The following NEK7 variants were observed in gnomAD, a reference collection of about 807,000 sequenced individuals.
NEK7 encodes the protein NIMA related kinase 7.
In NEK7, 18 loss-of-function variants were observed where a neutral mutation model predicts 44.6. That is an observed-to-expected ratio of 0.40 (90% confidence interval 0.28 to 0.60). NEK7 has a LOEUF of 0.60. Among genes scored for constraint, NEK7 ranks in the 20% least tolerant of loss-of-function variants. The pLI is 0.38. For missense variants in NEK7, 256 were observed against 366.5 expected (o/e 0.70, Z 2.46); for synonymous variants, 130 against 121.1 (o/e 1.07, Z -0.48).
chr1:198,215,419 T>C (rs754290160), intron 1 of NEK7, among the ~76,000 whole-genome samples: 2 of 152,202 alleles, frequency 1.3e-5, no homozygotes. Flanking sequence ...TAGGATATCT[T>C]TGAATGCAGC....
intron 7 of NEK7, among the ~76,000 whole-genome samples, chr1:198,283,383 G>A (rs1032925223): frequency 6.6e-6 from 1 of 152,036 alleles, no homozygotes; most frequent in Non-Finnish European, 1.5e-5. Flanking sequence ...ACCCAGAACT[G>A]AGCAGAGTAC....
At chr1:198,240,429 G>A (rs1056503843) in intron 2 of NEK7, among the ~76,000 whole-genome samples, 5 of 149,434 alleles carry the variant, frequency 3.3e-5, no homozygotes, top group Admixed American at 1.3e-4. Flanking sequence ...GGATGAGGCT[G>A]ATTAATCAAA....
At chr1:198,260,115 GT>G (rs1452059092) in intron 3 of NEK7, among the ~76,000 whole-genome samples, 4 of 152,124 alleles carry the variant, frequency 2.6e-5, no homozygotes, top group Non-Finnish European at 5.9e-5. Flanking sequence ...GGCATTAACA[GT>G]TTAAGCTTGT....
rs7521737 is a variant in NEK7, at chr1:198,313,982, C to T, written c.799-5430C>T. Among the ~76,000 whole-genome samples, 387 of 151,240 alleles carry T rather than the reference C, an allele frequency of 2.6e-3. 5 individuals carry two copies. Among genetic ancestry groups the T allele is most frequent in the Admixed American group, 6.2e-3 (94 of 15,144 alleles). On this transcript the variant is annotated intron_variant, in intron 9 of 9. Coordinates refer to ENST00000367385, the MANE Select transcript of NEK7 (RefSeq NM_133494.3). ...TTCCTGAATCTGAATGTTGACCTGCCTTGCTAGATTGGGGAAGTTCTCCCG... is the reference window on the plus strand; with the variant it reads ...TTCCTGAATCTGAATGTTGACCTGCTTTGCTAGATTGGGGAAGTTCTCCCG...
At chr1:198,314,999 C>T (rs371454988) in intron 9 of NEK7, among the ~76,000 whole-genome samples, 10 of 152,172 alleles carry the variant, frequency 6.6e-5, no homozygotes, top group African/African-American at 2.4e-4. Context: ...TACCTAAGCA[C>T]GCCTGGGCAA....
chr1:198,283,716 G>C (rs1179411973), intron 7 of NEK7, among the ~76,000 whole-genome samples: 5 of 151,874 alleles, frequency 3.3e-5, no homozygotes, highest in Non-Finnish European at 7.4e-5. Flanking sequence ...TATGATGAGG[G>C]CACAACTTTC....
At chr1:198,292,261 G>T (rs1300388052) in intron 7 of NEK7, among the ~76,000 whole-genome samples, 1 of 151,718 alleles carries the variant, frequency 6.6e-6, no homozygotes, top group African/African-American at 2.4e-5. Context: ...AAAAGTATTA[G>T]CACATCAAAG....
chr1:198,159,614 C>G (rs1664039109), intron 1 of NEK7, among the ~76,000 whole-genome samples: 1 of 152,118 alleles, frequency 6.6e-6, no homozygotes, highest in African/African-American at 2.4e-5. Context: ...TCTAAGCGTA[C>G]AGACTCATTT....
At chr1:198,195,711 G>A (rs1665209023) in intron 1 of NEK7, among the ~76,000 whole-genome samples, 1 of 152,110 alleles carries the variant, frequency 6.6e-6, no homozygotes, top group South Asian at 2.1e-4. Flanking sequence ...TGTAATCCCA[G>A]CTACTTGGGA....
At chr1:198,236,719 C>T (rs1468105556) in intron 2 of NEK7, among the ~76,000 whole-genome samples, 1 of 152,092 alleles carries the variant, frequency 6.6e-6, no homozygotes. Flanking sequence ...GATGAACTAT[C>T]CACACTGCTC....
intron 9 of NEK7, among the ~76,000 whole-genome samples, chr1:198,312,694 G>A (rs61831677): frequency 1.6e-3 from 238 of 151,608 alleles, no homozygotes; most frequent in Non-Finnish European, 2.4e-3. Flanking sequence ...ATTTCGTTAT[G>A]TACCCAGTAG....
chr1:198,263,137 T>C (rs941717426), intron 4 of NEK7, among the ~76,000 whole-genome samples: 4 of 151,896 alleles, frequency 2.6e-5, no homozygotes, highest in Non-Finnish European at 1.5e-5. Context: ...GACTGAGATT[T>C]CAGTTATTTC....
intron 1 of NEK7, among the ~76,000 whole-genome samples, chr1:198,163,822 T>C (rs1664181059): frequency 6.6e-6 from 1 of 152,242 alleles, no homozygotes; most frequent in Non-Finnish European, 1.5e-5. Flanking sequence ...AAACTGACAT[T>C]TTTTTCCATT....
chr1:198,222,916 G>A (rs376038849), intron 1 of NEK7, among the ~76,000 whole-genome samples: 1 of 152,092 alleles, frequency 6.6e-6, no homozygotes, highest in Non-Finnish European at 1.5e-5. Context: ...CTACTTTGGC[G>A]AGGGCAGTTA....
At chr1:198,232,702 T>C in intron 2 of NEK7, 65 bp downstream of exon 2, 1 of 918,648 alleles carries the variant, frequency 1.1e-6, no homozygotes, top group East Asian at 2.6e-5. Flanking sequence ...TGTAAGAAAG[T>C]AGTACATTTA....
intron 9 of NEK7, among the ~76,000 whole-genome samples, chr1:198,306,745 A>G (rs1655035419): frequency 6.6e-6 from 1 of 152,142 alleles, no homozygotes; most frequent in South Asian, 2.1e-4. Flanking sequence ...CATAAAACTT[A>G]GTCTGTGGTT....
chr1:198,189,599 G>T (rs762186583), intron 1 of NEK7, among the ~76,000 whole-genome samples: 1 of 152,064 alleles, frequency 6.6e-6, no homozygotes, highest in Non-Finnish European at 1.5e-5. Context: ...CCACTTACAG[G>T]CCTCATTAAA....
intron 1 of NEK7, among the ~76,000 whole-genome samples, chr1:198,201,927 AC>A (rs1665441629): frequency 6.6e-6 from 1 of 152,186 alleles, no homozygotes; most frequent in Non-Finnish European, 1.5e-5. Context: ...GAATTGGGGA[AC>A]CCTTTGTTCA....
intron 1 of NEK7, among the ~76,000 whole-genome samples, chr1:198,218,569 A>G (rs1008919341): frequency 6.6e-6 from 1 of 151,942 alleles, no homozygotes; most frequent in African/African-American, 2.4e-5. Context: ...AAATAAATAA[A>G]TGGGACCAAA....
Sources: allele counts gnomAD v4.1 joint callset (sites outside exome capture counted in the v4.1 genomes callset), GRCh38; gene constraint gnomAD v4.1.1; transcripts MANE v1.5; gene names NCBI Gene and HGNC (gene_info 2026-07-23, HGNC 2026-07-21).